The following NUDC variants were observed in gnomAD, a reference collection of about 807,000 sequenced individuals.
The protein encoded by NUDC is nuclear distribution C, dynein complex regulator, also known as nuclear migration protein nudC.
In NUDC, 14 loss-of-function variants were observed where a neutral mutation model predicts 45.0. The ratio of observed to expected loss-of-function variants is 0.31; its 90% CI spans 0.21 to 0.49. The LOEUF (loss-of-function observed/expected upper bound fraction) is 0.49, where lower values mean the gene tolerates loss of function less well. Ranked by LOEUF, NUDC falls within the 20% of genes least tolerant of loss-of-function variation. NUDC has a pLI of 0.99. For synonymous variants in NUDC, 153 were observed against 156.7 expected (o/e 0.98, Z 0.17); for missense variants, 323 against 426.2 (o/e 0.76, Z 2.13).
chr1:26,906,721 C>T (rs71636794), intron 2 of NUDC, among the ~76,000 whole-genome samples: 2 of 151,108 alleles, frequency 1.3e-5, no homozygotes, highest in Non-Finnish European at 3.0e-5. Context: ...TGGTGGCGGG[C>T]GCCTGTAGTC....
rs144164799 is a variant in NUDC, at chr1:26,930,413, C to T, written c.159+6247C>T. On this transcript the variant is annotated intron_variant, in intron 2 of 8. Coordinates refer to ENST00000321265, the MANE Select transcript of NUDC (RefSeq NM_006600.4). ...TTGAATTTCTGATTCTGATCTCAAG[C>T]GACCTACCCGCCTTTGCGGCCGCCA... 6.5e-3 allele frequency among the ~76,000 whole-genome samples: 986 copies of T among 152,278 alleles called. 5 individuals carry two copies. Among genetic ancestry groups the T allele is most frequent in the African/African-American group, 0.023 (937 of 41,542 alleles).
At chr1:26,904,755 C>T (rs2081995252) in intron 2 of NUDC, among the ~76,000 whole-genome samples, 1 of 152,154 alleles carries the variant, frequency 6.6e-6, no homozygotes, top group Non-Finnish European at 1.5e-5. Context: ...TCACCTCCAA[C>T]CCCCCTTAGC....
At chr1:26,919,133 A>C (rs1223978331), upstream of NUDC, among the ~76,000 whole-genome samples, 1 of 151,030 alleles carries the variant, frequency 6.6e-6, no homozygotes, top group African/African-American at 2.4e-5. Context: ...ACCCACGCTG[A>C]AGTGCAGTGG....
intron 2 of NUDC, among the ~76,000 whole-genome samples, chr1:26,910,157 G>A (rs1019527979): frequency 1.3e-5 from 2 of 152,146 alleles, no homozygotes; most frequent in Non-Finnish European, 2.9e-5. Flanking sequence ...GCAAGGGTGC[G>A]TGCTTCTGCT....
chr1:26,907,170 GC>G (rs2082006220), intron 2 of NUDC, among the ~76,000 whole-genome samples: 1 of 152,170 alleles, frequency 6.6e-6, no homozygotes, highest in Non-Finnish European at 1.5e-5. Context: ...ACATCTCTGT[GC>G]CTTTGCATAT....
intron 1 of NUDC, among the ~76,000 whole-genome samples, chr1:26,901,126 A>T (rs1034863988): frequency 1.4e-4 from 22 of 152,186 alleles, no homozygotes; most frequent in African/African-American, 5.3e-4. Context: ...GTTATCTAGT[A>T]AAAGCAAAGC....
chr1:26,937,278 G>A (rs554377061), intron 2 of NUDC, among the ~76,000 whole-genome samples: 4 of 152,140 alleles, frequency 2.6e-5, no homozygotes, highest in African/African-American at 9.6e-5. Context: ...GGGGGTTTTT[G>A]TTTTGAGACA....
At chr1:26,934,451 G>A (rs1404413668) in intron 2 of NUDC, among the ~76,000 whole-genome samples, 3 of 152,002 alleles carry the variant, frequency 2.0e-5, no homozygotes, top group Non-Finnish European at 2.9e-5. Context: ...AGAGCCAAAC[G>A]GTATCATTCT....
chr1:26,934,214 A>T (rs573896405), intron 2 of NUDC, among the ~76,000 whole-genome samples: 1 of 152,210 alleles, frequency 6.6e-6, no homozygotes, highest in African/African-American at 2.4e-5. Context: ...GGCCTCAGGA[A>T]ACTTAAAATC....
intron 3 of NUDC, among the ~76,000 whole-genome samples, chr1:26,913,113 C>T (rs1419177593): frequency 2.0e-5 from 3 of 152,096 alleles, no homozygotes; most frequent in East Asian, 3.9e-4. Flanking sequence ...GGTGAAAGCC[C>T]ATCTCTACTA....
intron 2 of NUDC, among the ~76,000 whole-genome samples, chr1:26,931,635 C>T (rs1337719582): frequency 1.3e-5 from 2 of 149,556 alleles, no homozygotes; most frequent in Non-Finnish European, 1.5e-5. Context: ...AAAAATTAGC[C>T]GGGCATGGTG....
At chr1:26,946,066 C>T in intron 8 of NUDC, 64 bp from the exon 9 acceptor site, 1 of 1,505,620 alleles carries the variant, frequency 6.6e-7, no homozygotes, top group Non-Finnish European at 9.2e-7. Flanking sequence ...CACGGGGGTG[C>T]TGGGAGAAGG....
intron 2 of NUDC, among the ~76,000 whole-genome samples, chr1:26,924,388 G>A (rs1307770215): frequency 1.3e-5 from 2 of 152,090 alleles, no homozygotes; most frequent in African/African-American, 2.4e-5. Flanking sequence ...AAGAGGGGCA[G>A]GTGTTAACTA....
upstream of NUDC, among the ~76,000 whole-genome samples, chr1:26,917,623 C>T (rs1345065142): frequency 6.6e-6 from 1 of 151,962 alleles, no homozygotes. Flanking sequence ...CATGGTGGCT[C>T]ACGCCTGTAA....
intron 2 of NUDC, among the ~76,000 whole-genome samples, chr1:26,939,979 C>T (rs759201266): frequency 2.2e-4 from 34 of 152,164 alleles, no homozygotes; most frequent in Admixed American, 1.3e-3. Context: ...CAAATAATGA[C>T]AGGTGGCAAT....
At chr1:26,906,389 G>A (rs918846117) in intron 2 of NUDC, among the ~76,000 whole-genome samples, 8 of 152,186 alleles carry the variant, frequency 5.3e-5, no homozygotes, top group African/African-American at 1.9e-4. Flanking sequence ...CCAGGAGGTT[G>A]CAGTGAGCCG....
intron 2 of NUDC, among the ~76,000 whole-genome samples, chr1:26,941,198 G>A (rs531208771): frequency 7.9e-5 from 12 of 151,522 alleles, no homozygotes; most frequent in African/African-American, 2.9e-4. Flanking sequence ...CAAAGTGCTG[G>A]GATTACAGGT....
intron 1 of NUDC, among the ~76,000 whole-genome samples, chr1:26,901,413 T>C (rs1428497361): frequency 2.8e-5 from 4 of 144,368 alleles, no homozygotes; most frequent in African/African-American, 7.8e-5. Context: ...TTTTTTTTTT[T>C]TTTTTTTTTG....
At chr1:26,922,254 G>A in intron 1 of NUDC, 1 of 439,484 alleles carries the variant, frequency 2.3e-6, no homozygotes, top group South Asian at 2.2e-5. Context: ...AAGAACCGTC[G>A]CAAATATCGT....
Sources: allele counts gnomAD v4.1 joint callset (sites outside exome capture counted in the v4.1 genomes callset), GRCh38; gene constraint gnomAD v4.1.1; transcripts MANE v1.5; gene names NCBI Gene and HGNC (gene_info 2026-07-23, HGNC 2026-07-21).